Variants in GSG1L observed in about 807,000 individuals in gnomAD.
GSG1L encodes GSG1 like.
GSG1L carries 24 observed loss-of-function variants against 42.1 expected under a neutral mutation model. The observed-to-expected ratio is 0.57, with a 90% confidence interval of 0.41 to 0.80. The LOEUF (loss-of-function observed/expected upper bound fraction) is 0.80, where lower values mean the gene tolerates loss of function less well. GSG1L is among the 30% of genes least tolerant of loss of function. The probability of loss-of-function intolerance (pLI) is 0.00; values close to 1 mark genes in which losing one functional copy is unlikely to be tolerated. For synonymous variants in GSG1L, 215 were observed against 203.5 expected, an observed-to-expected ratio of 1.06 and a Z score of -0.48; for missense variants, 445 against 472.2, an observed-to-expected ratio of 0.94 and a Z score of 0.53.
At chr16:27,887,681 C>T (rs2084045753) in intron 2 of GSG1L, among the ~76,000 whole-genome samples, 1 of 152,202 alleles carries the variant, frequency 6.6e-6, no homozygotes. Context: ...TCTGAGTCCC[C>T]ACTTGCTCCC....
intron 1 of GSG1L, among the ~76,000 whole-genome samples, chr16:28,054,064 G>A (rs939513546): frequency 3.3e-5 from 5 of 151,876 alleles, no homozygotes; most frequent in African/African-American, 9.7e-5. Context: ...CCCGCCCTGC[G>A]TCTGTCACTC....
rs2086317004 is a variant in GSG1L, at chr16:28,059,486, C to T, written c.349+3590G>A. 2.0e-5 allele frequency among the ~76,000 whole-genome samples: 3 copies of T among 152,158 alleles called. No homozygotes were observed. In the South Asian group the frequency reaches 6.2e-4, roughly 32 times the overall value. ...GTCCCCCAAGACCCCTCCACCTCCC[C>T]CCAATCTTCCCAAGCCACCCCTTTC... On this transcript the variant is annotated intron_variant, in intron 1 of 6. Coordinates refer to ENST00000447459, the MANE Select transcript of GSG1L (RefSeq NM_001109763.2). This position sits in a 1 kb window ranked among gnomAD's most constrained non-coding sequence, Gnocchi z 4.4.
chr16:27,877,963 T>A (rs1304403469), intron 3 of GSG1L, among the ~76,000 whole-genome samples: 1 of 152,178 alleles, frequency 6.6e-6, no homozygotes, highest in Admixed American at 6.5e-5. Context: ...AGTTTTCTGA[T>A]CTGTAGAATG....
chr16:27,810,677 C>A (rs1045831570), intron 5 of GSG1L, among the ~76,000 whole-genome samples: 1 of 150,934 alleles, frequency 6.6e-6, no homozygotes, highest in Non-Finnish European at 1.5e-5. Flanking sequence ...AGGATAATGT[C>A]TTTTTTTTTA....
chr16:27,848,357 T>C lies in GSG1L; in HGVS notation c.551-3296A>G, dbSNP rs142248306. Among the ~76,000 whole-genome samples, 589 of 152,288 alleles carry C rather than the reference T, an allele frequency of 3.9e-3. 5 individuals carry two copies. The highest frequency in any genetic ancestry group is 0.013 in the African/African-American group (560 of 41,558). On this transcript the variant is annotated intron_variant, in intron 3 of 6. Transcript: ENST00000447459. ...AGTGATTGAGAGGTGCTTGGGGATG[T>C]TGGGCTGGTTAGTATAAAGGTCAAG...
At chr16:27,889,563 T>C (rs1384459039) in intron 2 of GSG1L, among the ~76,000 whole-genome samples, 1 of 152,216 alleles carries the variant, frequency 6.6e-6, no homozygotes, top group Non-Finnish European at 1.5e-5. Flanking sequence ...AGCCCATTTT[T>C]TCTATCTTTG....
chr16:27,798,298 G>C (rs1030744859), intron 6 of GSG1L, among the ~76,000 whole-genome samples: 1 of 152,152 alleles, frequency 6.6e-6, no homozygotes, highest in East Asian at 1.9e-4. Context: ...CCAGGAGCTG[G>C]GGAGGGGGCT....
At chr16:27,852,227 G>T (rs1199015338) in intron 3 of GSG1L, among the ~76,000 whole-genome samples, 1 of 152,232 alleles carries the variant, frequency 6.6e-6, no homozygotes, top group African/African-American at 2.4e-5. Context: ...GACACAGAGG[G>T]GCTGGTGGGG....
chr16:27,944,390 G>A (rs2141086776), intron 2 of GSG1L, among the ~76,000 whole-genome samples: 1 of 152,262 alleles, frequency 6.6e-6, no homozygotes, highest in Admixed American at 6.5e-5. Context: ...GGGAGGCCGA[G>A]GCGGGAAGAT....
chr16:27,955,527 T>C (rs1208993010), intron 2 of GSG1L, among the ~76,000 whole-genome samples: 2 of 151,376 alleles, frequency 1.3e-5, no homozygotes, highest in Admixed American at 1.3e-4. Context: ...AACACTGGAG[T>C]CTGGAAGACA....
chr16:28,002,184 T>C (rs2085584735), intron 1 of GSG1L, among the ~76,000 whole-genome samples: 1 of 152,144 alleles, frequency 6.6e-6, no homozygotes, highest in Non-Finnish European at 1.5e-5. Flanking sequence ...CAGATGGTGA[T>C]ATGTGCCCTG....
At chr16:27,942,002 T>C (rs1233593219) in intron 2 of GSG1L, among the ~76,000 whole-genome samples, 2 of 152,100 alleles carry the variant, frequency 1.3e-5, no homozygotes, top group African/African-American at 2.4e-5. Flanking sequence ...TTTGGGAAGA[T>C]GAAAAAGTTC....
chr16:27,797,993 T>C lies in GSG1L; in HGVS notation c.899-6526A>G, dbSNP rs1301709065. On this transcript the variant is annotated intron_variant, in intron 6 of 6. Coordinates refer to ENST00000447459, the MANE Select transcript of GSG1L (RefSeq NM_001109763.2). ...GCTAAACAACAAGCACATACGGCCA[T>C]AGAAAGGGAAATACCAGAAACTGGG... 4.6e-5 allele frequency among the ~76,000 whole-genome samples: 7 copies of C among 151,908 alleles called. No homozygotes were observed. The East Asian group carries it at 9.7e-4, about 21-fold the overall frequency.
At chr16:28,048,091 T>C (rs2086183924) in intron 1 of GSG1L, among the ~76,000 whole-genome samples, 1 of 151,238 alleles carries the variant, frequency 6.6e-6, no homozygotes, top group African/African-American at 2.4e-5. Context: ...TAGCCAGGCA[T>C]GGTGGCATGC....
intron 3 of GSG1L, among the ~76,000 whole-genome samples, chr16:27,856,427 C>T (rs1447078293): frequency 6.6e-6 from 1 of 152,214 alleles, no homozygotes; most frequent in East Asian, 1.9e-4. Flanking sequence ...GAGCCCCCCA[C>T]CTCAGCCTCC....
intron 1 of GSG1L, among the ~76,000 whole-genome samples, chr16:28,038,608 T>C (rs1365787541): frequency 2.6e-5 from 4 of 152,112 alleles, no homozygotes; most frequent in Admixed American, 6.6e-5. Flanking sequence ...ATGGTTACCC[T>C]GAGCCCGAAC....
chr16:27,929,402 C>T (rs555382170), intron 2 of GSG1L, among the ~76,000 whole-genome samples: 75 of 152,222 alleles, frequency 4.9e-4, no homozygotes, highest in Non-Finnish European at 9.0e-4. Flanking sequence ...TCAAGAAGGG[C>T]GTGTAACCCA....
intron 1 of GSG1L, among the ~76,000 whole-genome samples, chr16:27,999,883 A>C (rs2085563496): frequency 6.6e-6 from 1 of 152,138 alleles, no homozygotes; most frequent in African/African-American, 2.4e-5. Flanking sequence ...ACCTCAGCCC[A>C]CCACTTCCAC....
chr16:27,991,013 A>C (rs1409606826), intron 1 of GSG1L, among the ~76,000 whole-genome samples: 1 of 152,226 alleles, frequency 6.6e-6, no homozygotes. Context: ...GTCTTGCTCC[A>C]CCTTATGCAA....
Sources: allele counts gnomAD v4.1 joint callset (sites outside exome capture counted in the v4.1 genomes callset), GRCh38; gene constraint gnomAD v4.1.1; non-coding constraint Gnocchi (gnomAD v3.1); transcripts MANE v1.5; gene names NCBI Gene and HGNC (gene_info 2026-07-23, HGNC 2026-07-21).